Variants in MSRA observed in about 807,000 individuals in gnomAD.
MSRA encodes the protein methionine sulfoxide reductase A, also known as mitochondrial peptide methionine sulfoxide reductase.
In MSRA, 54 loss-of-function variants were observed where a neutral mutation model predicts 31.3. The observed-to-expected ratio is 1.73, with a 90% CI of 1.39 to 2.17. MSRA has a LOEUF of 2.17. MSRA is among the 30% of genes most tolerant of loss of function. The pLI is 0.00. For missense variants in MSRA, 507 were observed against 300.9 expected, an observed-to-expected ratio of 1.69 and a Z score of -5.07; for synonymous variants, 169 against 116.5, an observed-to-expected ratio of 1.45 and a Z score of -2.90.
intron 1 of MSRA, among the ~76,000 whole-genome samples, chr8:10,056,198 C>CAAAAAAAAAAAAA (rs35457688): frequency 1.1e-5 from 1 of 91,016 alleles, no homozygotes. Context: ...TCCCATACAC[C>CAAAAAAAAAAAAA]AAAAAAAAAA....
At chr8:10,350,406 G>T (rs80344801) in intron 5 of MSRA, among the ~76,000 whole-genome samples, 157 of 152,312 alleles carry the variant, frequency 1.0e-3, no homozygotes, top group Non-Finnish European at 1.8e-3. Flanking sequence ...TTCTGCCTTC[G>T]CTCATTGACG....
chr8:10,250,742 T>C, intron 3 of MSRA: 1 of 462,716 alleles, frequency 2.2e-6, no homozygotes, highest in Non-Finnish European at 3.9e-6. Context: ...AAATATTTAC[T>C]GTCAGGTGCT....
At chr8:10,288,570 A>C (rs1003759225) in intron 3 of MSRA, among the ~76,000 whole-genome samples, 6 of 152,142 alleles carry the variant, frequency 3.9e-5, no homozygotes, top group Admixed American at 3.9e-4. Context: ...AAAATAACTG[A>C]TGCTTTTGGC....
chr8:10,386,633 A>T (rs1806408847), intron 5 of MSRA, among the ~76,000 whole-genome samples: 2 of 152,096 alleles, frequency 1.3e-5, no homozygotes, highest in South Asian at 4.2e-4. Flanking sequence ...GGAGCTTCTG[A>T]TTCAGCAGGA....
In MSRA at chr8:10,192,443, C is replaced by A. The variant is rs369168268; in HGVS notation, c.143-15390C>A. ...ACCTTGATTGCATGTTTGTGGGACA[C>A]CCTGAGCCAGAAACACCCAGCTTCC... On this transcript the variant is annotated intron_variant, in intron 1 of 5. Transcript: ENST00000317173. Among the ~76,000 whole-genome samples, 4 of 152,282 alleles carry A rather than the reference C, an allele frequency of 2.6e-5. No homozygotes were observed. In the East Asian group the frequency reaches 5.8e-4, roughly 22 times the overall value.
At chr8:10,259,622 T>A (rs1021160445) in intron 3 of MSRA, among the ~76,000 whole-genome samples, 1 of 152,114 alleles carries the variant, frequency 6.6e-6, no homozygotes, top group Non-Finnish European at 1.5e-5. Context: ...TCTGGACATT[T>A]GGGAAAGCTC....
intron 3 of MSRA, among the ~76,000 whole-genome samples, chr8:10,264,516 G>A (rs1314620830): frequency 6.6e-6 from 1 of 152,174 alleles, no homozygotes; most frequent in African/African-American, 2.4e-5. Context: ...GGCTGCCTGG[G>A]CTAAAGCCAG....
intron 5 of MSRA, among the ~76,000 whole-genome samples, chr8:10,417,949 C>A (rs1276172446): frequency 6.6e-6 from 1 of 152,086 alleles, no homozygotes; most frequent in Non-Finnish European, 1.5e-5. Context: ...AGTCTAGAAT[C>A]CACATGCCCG....
At chr8:10,078,028 C>G (rs188808711) in intron 1 of MSRA, among the ~76,000 whole-genome samples, 6 of 152,340 alleles carry the variant, frequency 3.9e-5, no homozygotes, top group Admixed American at 2.6e-4. Flanking sequence ...CAACCAATTT[C>G]TGTGAAGAGC....
At chr8:10,313,666 T>C (rs769407957) in intron 4 of MSRA, among the ~76,000 whole-genome samples, 3 of 152,168 alleles carry the variant, frequency 2.0e-5, no homozygotes, top group Non-Finnish European at 4.4e-5. Context: ...TGTTGTTGTT[T>C]TTGTGGATCT....
chr8:10,328,054 G>GTTTTTTTTCTT (rs1563356091), intron 5 of MSRA, among the ~76,000 whole-genome samples: 1 of 58,946 alleles, frequency 1.7e-5, no homozygotes, highest in East Asian at 8.5e-4. Context: ...TTTTTTTTTA[G>GTTTTTTTTCTT]TATCAGTGAC....
At chr8:10,199,427 C>A (rs937477675) in intron 1 of MSRA, among the ~76,000 whole-genome samples, 2 of 152,216 alleles carry the variant, frequency 1.3e-5, no homozygotes, top group African/African-American at 4.8e-5. Flanking sequence ...TCAAGTGATT[C>A]TCCTGCCTCA....
chr8:10,249,111 A>G (rs1563267648), intron 3 of MSRA, among the ~76,000 whole-genome samples: 3 of 152,020 alleles, frequency 2.0e-5, no homozygotes, highest in Non-Finnish European at 4.4e-5. Context: ...AGAGCCTGAT[A>G]CCCTGGCACT....
At chr8:10,305,245 G>C (rs1219995564) in intron 4 of MSRA, among the ~76,000 whole-genome samples, 1 of 152,092 alleles carries the variant, frequency 6.6e-6, no homozygotes, top group Non-Finnish European at 1.5e-5. Context: ...AGTAGAAACA[G>C]CAAGAATGTA....
At chr8:10,130,216 A>T (rs989553296) in intron 1 of MSRA, among the ~76,000 whole-genome samples, 1 of 152,188 alleles carries the variant, frequency 6.6e-6, no homozygotes, top group African/African-American at 2.4e-5. Flanking sequence ...CCATTGAGAA[A>T]CACTGTATAC....
intron 1 of MSRA, among the ~76,000 whole-genome samples, chr8:10,183,282 G>C (rs547907752): frequency 2.8e-4 from 43 of 152,290 alleles, no homozygotes; most frequent in Non-Finnish European, 4.9e-4. Context: ...GTTAGGCTTA[G>C]GACCAAGGCT....
intron 2 of MSRA, among the ~76,000 whole-genome samples, chr8:10,240,890 G>C (rs1812356319): frequency 6.6e-6 from 1 of 152,020 alleles, no homozygotes; most frequent in African/African-American, 2.4e-5. Context: ...GGTTTTACAG[G>C]ATCGCCACAC....
At chr8:10,303,466 C>T (rs958028062) in intron 4 of MSRA, among the ~76,000 whole-genome samples, 3 of 152,084 alleles carry the variant, frequency 2.0e-5, no homozygotes, top group East Asian at 1.9e-4. Flanking sequence ...GTAATGGTGG[C>T]ATCTCTGGGG....
Position 10,138,005 on chromosome 8 carries a change from A to T in MSRA, c.143-69828A>T, listed in dbSNP as rs12547884. 6.7e-4 allele frequency among the ~76,000 whole-genome samples: 102 copies of T among 152,216 alleles called. 3 individuals are homozygous for T. Among genetic ancestry groups the T allele is most frequent in the Non-Finnish European group, 1.0e-4 (7 of 68,004 alleles). The stretch of plus-strand genomic sequence containing the variant: ...ATGATCAAGAGCACACAGGTAATGC[A>T]TAAGGCAGCAGGGATTGGAATGTGA... On this transcript the variant is annotated intron_variant, in intron 1 of 5. Coordinates refer to ENST00000317173, the MANE Select transcript of MSRA (RefSeq NM_012331.5).
Sources: gnomAD v4.1 joint callset for allele counts (sites outside exome capture counted in the v4.1 genomes callset) on GRCh38, gnomAD v4.1.1 for gene constraint, MANE v1.5 for transcripts, NCBI Gene and HGNC (gene_info 2026-07-23, HGNC 2026-07-21) for gene names.